Variants in ZFPM1 observed in about 807,000 individuals in gnomAD.
ZFPM1 encodes zinc finger protein ZFPM1.
Under a neutral mutation model 46.3 loss-of-function variants are expected in ZFPM1, and 28 were observed. The ratio of observed to expected loss-of-function variants is 0.60; its 90% CI spans 0.45 to 0.83. The LOEUF (loss-of-function observed/expected upper bound fraction) is 0.83, where lower values mean the gene tolerates loss of function less well. Among genes scored for constraint, ZFPM1 ranks in the 40% least tolerant of loss-of-function variants. The pLI is 0.00. For synonymous variants in ZFPM1, 957 were observed against 675.9 expected, an observed-to-expected ratio of 1.42 and a Z score of -6.45; for missense variants, 1,878 against 1,432.4, an observed-to-expected ratio of 1.31 and a Z score of -5.02.
intron 3 of ZFPM1, among the ~76,000 whole-genome samples, chr16:88,495,295 G>C (rs993649614): frequency 6.6e-6 from 1 of 152,246 alleles, no homozygotes; most frequent in South Asian, 2.1e-4. Flanking sequence ...AAAGGCCGAA[G>C]AGCGTGGGGG....
At chr16:88,499,909 G>A (rs888159788) in intron 3 of ZFPM1, among the ~76,000 whole-genome samples, 3 of 152,300 alleles carry the variant, frequency 2.0e-5, no homozygotes, top group Non-Finnish European at 4.4e-5. Flanking sequence ...GAGGGTGAGC[G>A]GACAGTGGAT....
intron 3 of ZFPM1, among the ~76,000 whole-genome samples, chr16:88,492,530 G>C (rs974624651): frequency 2.0e-5 from 3 of 152,228 alleles, no homozygotes; most frequent in Admixed American, 6.5e-5. Context: ...ATGTGGATGG[G>C]ACCCGGTCAC....
chr16:88,510,483 T>A (rs1013025434), intron 3 of ZFPM1, among the ~76,000 whole-genome samples: 1 of 152,258 alleles, frequency 6.6e-6, no homozygotes, highest in Middle Eastern at 3.2e-3. Context: ...CTGGAACTTC[T>A]CATTTGGTTC....
intron 1 of ZFPM1, among the ~76,000 whole-genome samples, chr16:88,483,072 C>T (rs888936886): frequency 3.9e-5 from 6 of 152,084 alleles, no homozygotes; most frequent in East Asian, 1.9e-4. Flanking sequence ...CCCGTGTGGG[C>T]GCTTTAATGG....
intron 1 of ZFPM1, among the ~76,000 whole-genome samples, chr16:88,473,030 G>A (rs1181471745): frequency 6.6e-6 from 1 of 152,276 alleles, no homozygotes; most frequent in African/African-American, 2.4e-5. Flanking sequence ...TCTGGGCGCA[G>A]GCCCTGCGGC....
chr16:88,493,405 A>T (rs1225102490), intron 3 of ZFPM1, among the ~76,000 whole-genome samples: 1 of 139,412 alleles, frequency 7.2e-6, no homozygotes, highest in African/African-American at 2.8e-5. Context: ...GGGTGCAGGA[A>T]GCTGTCCCGG....
chr16:88,499,913 A>G (rs1239735995), intron 3 of ZFPM1, among the ~76,000 whole-genome samples: 1 of 152,136 alleles, frequency 6.6e-6, no homozygotes, highest in African/African-American at 2.4e-5. Flanking sequence ...GTGAGCGGAC[A>G]GTGGATGCCC....
At chr16:88,460,768 A>G (rs1907780936) in intron 1 of ZFPM1, among the ~76,000 whole-genome samples, 1 of 152,230 alleles carries the variant, frequency 6.6e-6, no homozygotes, top group Admixed American at 6.5e-5. Flanking sequence ...TGTTTGGAGC[A>G]GACCCCTGGT....
Position 88,535,218 on chromosome 16 carries a change from T to G in ZFPM1, c.*239T>G. 1 of 388,692 alleles carries G rather than the reference T, an allele frequency of 2.6e-6. No individual in the cohort carries two copies. Among genetic ancestry groups the G allele is most frequent in the Non-Finnish European group, 4.4e-6 (1 of 228,358 alleles). 24.1% of individuals were successfully genotyped at this position (388,692 alleles called of 1,614,324 possible). A position where few individuals can be genotyped will look rare whatever the true frequency, so the allele number is the denominator to read the frequency against. On this transcript the variant is annotated 3_prime_UTR_variant, in exon 10 of 10. Transcript: ENST00000319555. ...AGCCAGCAGGCACACGCAGCCAGTG[T>G]CACATCCAGCCCTGCTGTGTACACA...
At chr16:88,494,817 CCA>C in intron 3 of ZFPM1, among the ~76,000 whole-genome samples, 1 of 152,208 alleles carries the variant, frequency 6.6e-6, no homozygotes, top group Admixed American at 6.5e-5. Context: ...CCAGAAGTGG[CCA>C]CAGAGAAGGG....
At chr16:88,459,922 G>A (rs967886817) in intron 1 of ZFPM1, among the ~76,000 whole-genome samples, 4 of 150,872 alleles carry the variant, frequency 2.7e-5, no homozygotes, top group Admixed American at 1.3e-4. Flanking sequence ...GAAACACACA[G>A]GGGCCCTGCC....
chr16:88,453,884 G>T (rs1019492292), intron 1 of ZFPM1, among the ~76,000 whole-genome samples: 21 of 152,044 alleles, frequency 1.4e-4, no homozygotes, highest in Non-Finnish European at 2.5e-4. Context: ...GGCACCGGGG[G>T]GTTCAGCCCA....
intron 3 of ZFPM1, among the ~76,000 whole-genome samples, chr16:88,509,286 A>G (rs1910824400): frequency 6.6e-6 from 1 of 152,180 alleles, no homozygotes; most frequent in Non-Finnish European, 1.5e-5. Context: ...CGCTCCCAAC[A>G]AAGCTGGACC....
intron 2 of ZFPM1, 101 bp from the exon 3 acceptor site, chr16:88,488,930 C>CA: frequency 1.3e-6 from 2 of 1,501,940 alleles, no homozygotes; most frequent in South Asian, 1.3e-5. Context: ...CCGAGCTCCC[C>CA]AACCCGGCGC....
At position 88,533,905 on chromosome 16, in the gene ZFPM1, G is replaced by C. The variant is rs1446348143; in HGVS notation, c.1947G>C (p.Gly649=). ...PGPGAREEGA[G]GAATPEDGAG... ...CCGGAGCGCGCGAGGAGGGGGCTGG[G>C]GGCGCGGCCACGCCCGAGGACGGCG... The change falls in exon 10 of 10, where the codon GGG becomes GGC. Residue 649 remains glycine (G), a synonymous_variant. Coordinates refer to ENST00000319555, the MANE Select transcript of ZFPM1 (RefSeq NM_153813.3). 2 of 1,109,342 alleles carry C rather than the reference G, an allele frequency of 1.8e-6. No homozygotes were observed. Among genetic ancestry groups the C allele is most frequent in the African/African-American group, 1.7e-5 (1 of 57,476 alleles). The allele number at this position is 1,109,342 out of a possible 1,614,324, so 68.7% of individuals were successfully genotyped here.
chr16:88,516,491 C>T (rs1443924293), intron 4 of ZFPM1: 3 of 398,476 alleles, frequency 7.5e-6, no homozygotes, highest in African/African-American at 2.1e-5. Flanking sequence ...GGAGCCCCCG[C>T]TCCACTCTTC....
intron 3 of ZFPM1, among the ~76,000 whole-genome samples, chr16:88,494,810 G>A (rs1176091894): frequency 1.3e-5 from 2 of 152,120 alleles, no homozygotes; most frequent in African/African-American, 2.4e-5. Flanking sequence ...CGTGATCCCA[G>A]AAGTGGCCAC....
rs1910000621 is a variant in ZFPM1, at chr16:88,497,522, G to C, written c.268+8369G>C. ...TCAGAGGGGTCAGGGTGGGGCTCAG[G>C]GCCCGGGCGGGGATGGGGTTCAGCG... On this transcript the variant is annotated intron_variant, in intron 3 of 9. Transcript: ENST00000319555. This position sits in a 1 kb window ranked among gnomAD's most constrained non-coding sequence, Gnocchi z 5.4. 6.6e-6 allele frequency among the ~76,000 whole-genome samples: 1 copy of C among 150,782 alleles called. No homozygotes were observed. The highest frequency in any genetic ancestry group is 1.5e-5 in the Non-Finnish European group (1 of 67,610).
intron 4 of ZFPM1, among the ~76,000 whole-genome samples, chr16:88,518,432 G>A (rs1034101541): frequency 2.0e-4 from 28 of 140,954 alleles, no homozygotes; most frequent in Admixed American, 1.1e-3. Context: ...GGGTGGATGG[G>A]TGGATGCATG....
Sources: allele counts gnomAD v4.1 joint callset (sites outside exome capture counted in the v4.1 genomes callset), GRCh38; gene constraint gnomAD v4.1.1; non-coding constraint Gnocchi (gnomAD v3.1); transcripts MANE v1.5; gene names NCBI Gene and HGNC (gene_info 2026-07-23, HGNC 2026-07-21).